RNF212B: variants seen among roughly 807,000 people sequenced by gnomAD.
The protein encoded by RNF212B is ring finger protein 212B.
Under a neutral mutation model 55.5 loss-of-function variants are expected in RNF212B, and 52 were observed. The ratio of observed to expected loss-of-function variants is 0.94; its 90% CI spans 0.75 to 1.18. RNF212B has a LOEUF of 1.18. Ranked by LOEUF, RNF212B falls within the 50% of genes most tolerant of loss-of-function variation. The probability of loss-of-function intolerance (pLI) is 0.00; values close to 1 mark genes in which losing one functional copy is unlikely to be tolerated. For missense variants in RNF212B, 289 were observed against 350.4 expected (o/e 0.82, Z 1.40); for synonymous variants, 99 against 121.4 (o/e 0.82, Z 1.21).
intron 4 of RNF212B, among the ~76,000 whole-genome samples, chr14:23,258,280 G>A (rs990865831): frequency 6.6e-6 from 1 of 150,646 alleles, no homozygotes; most frequent in Non-Finnish European, 1.5e-5. Flanking sequence ...AGAGGTTACG[G>A]TGAGCCGAGA....
chr14:23,248,324 C>T (rs1264325523), intron 4 of RNF212B, among the ~76,000 whole-genome samples: 1 of 149,754 alleles, frequency 6.7e-6, no homozygotes, highest in South Asian at 2.1e-4. Flanking sequence ...TTAATAGATA[C>T]AGGGTTTTAC....
At chr14:23,226,167 G>T (rs1348648498) in intron 2 of RNF212B, among the ~76,000 whole-genome samples, 1 of 151,126 alleles carries the variant, frequency 6.6e-6, no homozygotes, top group Non-Finnish European at 1.5e-5. Context: ...GTGTGGTGGC[G>T]GGTGCCTGTA....
In RNF212B at chr14:23,230,663, A is replaced by G. The variant is rs1279247341; in HGVS notation, c.-1-9682A>G. On this transcript the variant is annotated intron_variant, in intron 2 of 15. Transcript: ENST00000399910. The stretch of plus-strand genomic sequence containing the variant: ...AGCGAGACTCCATCTCAAAAAAAAA[A>G]AAAAAAAAAAAAAAAAAAAACCATT... 1.5e-4 allele frequency among the ~76,000 whole-genome samples: 22 copies of G among 149,450 alleles called. 1 individual carries two copies. The highest frequency in any genetic ancestry group is 5.2e-4 in the African/African-American group (21 of 40,404).
intron 11 of RNF212B, 118 bp from the exon 12 acceptor site, chr14:23,268,806 C>A: frequency 1.3e-6 from 1 of 798,616 alleles, no homozygotes; most frequent in Non-Finnish European, 2.1e-6. Flanking sequence ...TAGCCCCCAA[C>A]CCTAACCCAT....
Position 23,265,273 on chromosome 14 carries a change from A to G in RNF212B, c.634+602A>G, listed in dbSNP as rs966367033. On this transcript the variant is annotated intron_variant, in intron 11 of 14. Transcript: ENST00000430154. ...TTGGATTTTTTTGAATTGCCACAAG[A>G]TGGCATTACAAGCTAAGTGTAAAAA... 2.4e-4 allele frequency among the ~76,000 whole-genome samples: 37 copies of G among 152,234 alleles called. 1 individual carries two copies. Among genetic ancestry groups the G allele is most frequent in the Admixed American group, 2.4e-3 (37 of 15,286 alleles).
intron 2 of RNF212B, among the ~76,000 whole-genome samples, chr14:23,219,181 A>G (rs1881343369): frequency 6.6e-6 from 1 of 152,216 alleles, no homozygotes; most frequent in Non-Finnish European, 1.5e-5. Flanking sequence ...GTCTTACAAG[A>G]AATGCTAAAT....
Position 23,216,879 on chromosome 14 carries a change from CA to C in RNF212B, c.-1-23441del, listed in dbSNP as rs59923716. 6.7e-3 allele frequency among the ~76,000 whole-genome samples: 326 copies of C among 48,738 alleles called. 1 individual carries two copies. The highest frequency in any genetic ancestry group is 0.025 in the African/African-American group (289 of 11,560). The allele number at this position is 48,738 out of a possible 152,430, so 32.0% of individuals were successfully genotyped here. On this transcript the variant is annotated intron_variant, in intron 2 of 15. Coordinates refer to the RNF212B transcript ENST00000399910. ...TGGGTGACTGAATGTGACCCTGTCT[CA>C]AAAAAAAAAAAAAAAAAAAAAAAAG...
Position 23,264,244 on chromosome 14 carries a change from G to C in RNF212B, c.585+10G>C, listed in dbSNP as rs1409511782. On this transcript the variant is annotated intron_variant, in intron 10 of 14. Transcript: ENST00000430154. The stretch of plus-strand genomic sequence containing the variant: ...TGGTAGCTTGGGACAAGTAAGTAAT[G>C]TTCACCTTATCTTTCCAGATTGAAG... 7 of 1,541,750 alleles carry C rather than the reference G, an allele frequency of 4.5e-6. No individual in the cohort carries two copies. Among genetic ancestry groups the C allele is most frequent in the African/African-American group, 1.4e-5 (1 of 72,824 alleles).
intron 4 of RNF212B, among the ~76,000 whole-genome samples, chr14:23,255,925 A>G (rs1884796754): frequency 6.6e-6 from 1 of 152,202 alleles, no homozygotes; most frequent in African/African-American, 2.4e-5. Flanking sequence ...CCCTGGCATC[A>G]GGCAAAATCA....
At chr14:23,226,812 C>CTTT (rs111452590) in intron 2 of RNF212B, among the ~76,000 whole-genome samples, 36 of 128,754 alleles carry the variant, frequency 2.8e-4, no homozygotes, top group African/African-American at 9.5e-4. Context: ...TCTTCTTCTT[C>CTTT]TTTTTTTTTT....
At chr14:23,238,550 A>T (rs1594917859) in intron 1 of RNF212B, among the ~76,000 whole-genome samples, 5 of 151,876 alleles carry the variant, frequency 3.3e-5, no homozygotes, top group Admixed American at 3.3e-4. Flanking sequence ...TAACACAGAG[A>T]GGCCTTGTCT....
chr14:23,196,649 C>T (rs1313465617), intron 2 of RNF212B, among the ~76,000 whole-genome samples: 1 of 152,000 alleles, frequency 6.6e-6, no homozygotes, highest in African/African-American at 2.4e-5. Flanking sequence ...GCTATGTTGC[C>T]CAGGCTGATC....
intron 4 of RNF212B, among the ~76,000 whole-genome samples, chr14:23,247,482 C>G (rs58592582): frequency 0.086 from 12,542 of 146,124 alleles, 699 homozygotes; most frequent in African/African-American, 0.16. Flanking sequence ...CTGTTCAGGG[C>G]ATTTCATAAA....
chr14:23,258,364 G>T, intron 4 of RNF212B, 185 bp from the exon 5 acceptor site: 23 of 285,916 alleles, frequency 8.0e-5, no homozygotes, highest in Non-Finnish European at 9.0e-5. Context: ...AAAGACAGTA[G>T]AAGGCTAGTG....
At chr14:23,258,733 T>C in intron 5 of RNF212B, 69 bp downstream of exon 5, 1 of 670,808 alleles carries the variant, frequency 1.5e-6, no homozygotes, top group East Asian at 3.2e-5. Context: ...ACAGTCCTTA[T>C]TGTGTTTGCA....
At chr14:23,247,393 G>A (rs1222373227) in intron 4 of RNF212B, among the ~76,000 whole-genome samples, 4 of 151,910 alleles carry the variant, frequency 2.6e-5, no homozygotes, top group South Asian at 2.1e-4. Context: ...TGTACTTATC[G>A]GCAGGCACTT....
At chr14:23,250,468 G>A (rs1290915056) in intron 4 of RNF212B, among the ~76,000 whole-genome samples, 3 of 140,454 alleles carry the variant, frequency 2.1e-5, no homozygotes, top group African/African-American at 5.5e-5. Flanking sequence ...GGGTGACAGA[G>A]CGAGACTCTG....
Position 23,270,619 on chromosome 14 carries a change from T to G in RNF212B, c.792T>G (p.Thr264=), listed in dbSNP as rs139422700. ...CTTCAGCTCAGAGGGAGAGCACAAC[T>G]ACACTAGAGAGTCTTCCTAGTTTCC... is the stretch of plus-strand genomic sequence containing the variant. ...PNNFAQREST[T]TLESLPSFQL... is the part of the protein sequence containing the mutation. The change falls in exon 14 of 15, where the codon ACT becomes ACG. Residue 264 remains threonine, a synonymous_variant. Coordinates refer to ENST00000430154, the MANE Select transcript of RNF212B (RefSeq NM_001282322.3). The G allele has an allele frequency of 1.3e-6, 2 of 1,550,570 alleles. No homozygotes were observed. The highest frequency in any genetic ancestry group is 2.7e-5 in the African/African-American group (2 of 73,168).
At chr14:23,196,687 C>T (rs564841717) in intron 2 of RNF212B, among the ~76,000 whole-genome samples, 2 of 152,328 alleles carry the variant, frequency 1.3e-5, no homozygotes, top group East Asian at 3.9e-4. Flanking sequence ...AGCAATCCTC[C>T]TGCCTAGGCC....
Sources: allele counts gnomAD v4.1 joint callset (sites outside exome capture counted in the v4.1 genomes callset), GRCh38; gene constraint gnomAD v4.1.1; transcripts MANE v1.5; gene names NCBI Gene and HGNC (gene_info 2026-07-23, HGNC 2026-07-21).